Variants in SPAG16 observed in about 807,000 individuals in gnomAD.
SPAG16 encodes the protein sperm-associated antigen 16 protein.
A neutral mutation model predicts 80.4 loss-of-function variants in SPAG16; 86 were observed. The ratio of observed to expected loss-of-function variants is 1.07; its 90% CI spans 0.90 to 1.28. The LOEUF (loss-of-function observed/expected upper bound fraction) is 1.28. SPAG16 is among the 50% of genes most tolerant of loss of function. The pLI, the probability that SPAG16 is intolerant of heterozygous loss-of-function variation, is 0.00. For synonymous variants in SPAG16, 294 were observed against 265.9 expected, an observed-to-expected ratio of 1.11 and a Z score of -1.03; for missense variants, 870 against 765.3, an observed-to-expected ratio of 1.14 and a Z score of -1.61.
chr2:213,427,665 G>C (rs764573059), intron 9 of SPAG16, among the ~76,000 whole-genome samples: 1 of 152,138 alleles, frequency 6.6e-6, no homozygotes, highest in Non-Finnish European at 1.5e-5. Flanking sequence ...CAGAGAAAAT[G>C]ATCTTTATCT....
chr2:214,103,002 G>T (rs1044001742), intron 13 of SPAG16, among the ~76,000 whole-genome samples: 3 of 152,082 alleles, frequency 2.0e-5, no homozygotes, highest in African/African-American at 7.2e-5. Context: ...TCCCGCATGC[G>T]CAGTGTTTTC....
chr2:213,415,197 G>A (rs570687151), intron 9 of SPAG16, among the ~76,000 whole-genome samples: 3 of 152,336 alleles, frequency 2.0e-5, no homozygotes, highest in Admixed American at 6.5e-5. Flanking sequence ...AACAAGGAGA[G>A]GCTGTGCCAG....
intron 10 of SPAG16, among the ~76,000 whole-genome samples, chr2:213,709,629 C>T (rs1334408014): frequency 1.3e-5 from 2 of 151,758 alleles, no homozygotes; most frequent in East Asian, 3.9e-4. Flanking sequence ...ATGTTGTGGA[C>T]CTTACTCTGT....
intron 15 of SPAG16, among the ~76,000 whole-genome samples, chr2:214,177,971 GTATATATATATATATATATATATATA>G (rs34460783): frequency 3.2e-4 from 19 of 59,352 alleles, no homozygotes; most frequent in African/African-American, 6.8e-4. Flanking sequence ...CAAAGTGTAT[GTATATATATATATATATATATATATA>G]TATATATATA....
At chr2:214,386,248 G>T (rs933465651) in intron 15 of SPAG16, among the ~76,000 whole-genome samples, 3 of 151,676 alleles carry the variant, frequency 2.0e-5, no homozygotes, top group African/African-American at 7.3e-5. Flanking sequence ...GGTGGCATTC[G>T]CCTGTAATCC....
chr2:213,930,824 A>G (rs2078715845), intron 12 of SPAG16, among the ~76,000 whole-genome samples: 1 of 152,170 alleles, frequency 6.6e-6, no homozygotes, highest in African/African-American at 2.4e-5. Flanking sequence ...AGCTACTATC[A>G]AATATGCTAA....
At chr2:213,819,941 GTT>G (rs71063785) in intron 10 of SPAG16, among the ~76,000 whole-genome samples, 4 of 132,106 alleles carry the variant, frequency 3.0e-5, no homozygotes, top group African/African-American at 5.8e-5. Context: ...AATTTTTCGT[GTT>G]TTTTTTTTTT....
chr2:214,312,623 G>A (rs149528173), intron 15 of SPAG16, among the ~76,000 whole-genome samples: 348 of 152,218 alleles, frequency 2.3e-3, no homozygotes, highest in Admixed American at 4.6e-3. Flanking sequence ...CTGCTGAGCT[G>A]TGTTGATTTG....
At chr2:213,684,575 A>G (rs1268060840) in intron 10 of SPAG16, among the ~76,000 whole-genome samples, 1 of 152,232 alleles carries the variant, frequency 6.6e-6, no homozygotes, top group Non-Finnish European at 1.5e-5. Flanking sequence ...AATATAATAC[A>G]GTGAAAATGT....
chr2:213,902,141 G>T (rs1156897117), intron 11 of SPAG16, among the ~76,000 whole-genome samples: 4 of 152,134 alleles, frequency 2.6e-5, no homozygotes, highest in Non-Finnish European at 4.4e-5. Flanking sequence ...TGTAAGAACT[G>T]GATTCAGGCA....
At chr2:213,947,588 A>G (rs1290580892) in intron 12 of SPAG16, among the ~76,000 whole-genome samples, 7 of 152,134 alleles carry the variant, frequency 4.6e-5, no homozygotes, top group South Asian at 2.1e-4. Context: ...TATTCTGGAT[A>G]TACATCGTTT....
chr2:213,813,716 G>C lies in SPAG16; in HGVS notation c.1071-48769G>C, dbSNP rs527642107. On this transcript the variant is annotated intron_variant, in intron 10 of 15. Coordinates refer to ENST00000331683, the MANE Select transcript of SPAG16 (RefSeq NM_024532.5). ...CTGCTACTGGAGAAGGAACTTAAAG[G>C]GAAAAATTCCTTTGAGTTCAAATTC... Among the ~76,000 whole-genome samples, 241 of 152,150 alleles carry C rather than the reference G, an allele frequency of 1.6e-3. 1 individual carries two copies. Among genetic ancestry groups the C allele is most frequent in the African/African-American group, 5.5e-3 (229 of 41,490 alleles).
At chr2:213,709,769 A>C (rs1294588472) in intron 10 of SPAG16, among the ~76,000 whole-genome samples, 1 of 152,238 alleles carries the variant, frequency 6.6e-6, no homozygotes, top group Non-Finnish European at 1.5e-5. Flanking sequence ...TAGAGTGGTG[A>C]CACACACTTC....
intron 11 of SPAG16, among the ~76,000 whole-genome samples, chr2:213,862,831 A>G (rs2075535061): frequency 6.6e-6 from 1 of 152,148 alleles, no homozygotes; most frequent in Admixed American, 6.5e-5. Flanking sequence ...GTACATGTAA[A>G]ACTTAGTCCA....
At chr2:213,682,525 G>T (rs1205742401) in intron 10 of SPAG16, among the ~76,000 whole-genome samples, 1 of 152,222 alleles carries the variant, frequency 6.6e-6, no homozygotes. Context: ...GCCAATTTTG[G>T]TCAGGAGCAT....
chr2:213,708,170 A>G (rs2065838085), intron 10 of SPAG16, among the ~76,000 whole-genome samples: 1 of 152,194 alleles, frequency 6.6e-6, no homozygotes, highest in African/African-American at 2.4e-5. Flanking sequence ...AAAATATTAC[A>G]TAGCAAAATA....
At chr2:213,412,656 C>T (rs1388845836) in intron 9 of SPAG16, among the ~76,000 whole-genome samples, 1 of 151,880 alleles carries the variant, frequency 6.6e-6, no homozygotes, top group Admixed American at 6.6e-5. Flanking sequence ...TTTCACTTCT[C>T]ACTAGTTTCC....
intron 12 of SPAG16, among the ~76,000 whole-genome samples, chr2:213,957,913 T>C (rs1425793886): frequency 1.3e-5 from 2 of 152,158 alleles, no homozygotes; most frequent in African/African-American, 4.8e-5. Context: ...AGACAGCCAC[T>C]CTCTAGAAAA....
At chr2:214,112,837 G>A (rs185200937) in intron 14 of SPAG16, among the ~76,000 whole-genome samples, 190 of 152,024 alleles carry the variant, frequency 1.2e-3, no homozygotes, top group Non-Finnish European at 1.9e-3. Context: ...GGTTAATATT[G>A]CTATGTGTGA....
Sources: allele counts gnomAD v4.1 joint callset (sites outside exome capture counted in the v4.1 genomes callset), GRCh38; gene constraint gnomAD v4.1.1; transcripts MANE v1.5; gene names NCBI Gene and HGNC (gene_info 2026-07-23, HGNC 2026-07-21).